ROR1: variants seen among roughly 807,000 people sequenced by gnomAD.
The protein encoded by ROR1 is ROR family WNT receptor 1, also known as inactive tyrosine-protein kinase transmembrane receptor ROR1.
Under a neutral mutation model 78.8 loss-of-function variants are expected in ROR1, and 19 were observed. The observed-to-expected ratio is 0.24, with a 90% confidence interval of 0.17 to 0.35. ROR1 has a LOEUF of 0.35. ROR1 is among the 10% of genes least tolerant of loss of function. The probability of loss-of-function intolerance (pLI) is 1.00; values close to 1 mark genes in which losing one functional copy is unlikely to be tolerated. For synonymous variants in ROR1, 386 were observed against 433.6 expected, an observed-to-expected ratio of 0.89 and a Z score of 1.36; for missense variants, 917 against 1,177.8, an observed-to-expected ratio of 0.78 and a Z score of 3.24.
intron 1 of ROR1, among the ~76,000 whole-genome samples, chr1:63,958,301 T>C (rs552488245): frequency 6.6e-6 from 1 of 152,198 alleles, no homozygotes; most frequent in African/African-American, 2.4e-5. Context: ...AACTTATTCT[T>C]TTTTGTGAGT....
intron 1 of ROR1, among the ~76,000 whole-genome samples, chr1:63,923,932 A>G (rs1283391405): frequency 6.6e-6 from 1 of 151,794 alleles, no homozygotes; most frequent in East Asian, 1.9e-4. Flanking sequence ...GGACCTTTGC[A>G]TGTGCTGTTT....
chr1:63,888,026 A>C (rs931300070), intron 1 of ROR1, among the ~76,000 whole-genome samples: 15 of 152,150 alleles, frequency 9.9e-5, no homozygotes, highest in Admixed American at 9.8e-4. Flanking sequence ...GTCATAATTC[A>C]AATCAGGAGC....
chr1:63,865,646 G>A (rs145432924), intron 1 of ROR1, among the ~76,000 whole-genome samples: 2 of 152,228 alleles, frequency 1.3e-5, no homozygotes, highest in African/African-American at 2.4e-5. Flanking sequence ...TCACTCTGGC[G>A]TTTTGCAGAG....
chr1:64,011,399 C>T, intron 2 of ROR1, among the ~76,000 whole-genome samples: 1 of 152,210 alleles, frequency 6.6e-6, no homozygotes, highest in Non-Finnish European at 1.5e-5. Context: ...TGAACTTATT[C>T]TGCAAGTTCC....
intron 8 of ROR1, among the ~76,000 whole-genome samples, chr1:64,174,068 G>A (rs1442265102): frequency 2.0e-5 from 3 of 152,062 alleles, no homozygotes; most frequent in Non-Finnish European, 4.4e-5. Flanking sequence ...AGGCTTAAAT[G>A]GATCTAAATC....
At chr1:63,918,642 A>C (rs978572144) in intron 1 of ROR1, among the ~76,000 whole-genome samples, 6 of 152,274 alleles carry the variant, frequency 3.9e-5, no homozygotes, top group Admixed American at 3.9e-4. Context: ...GCTTTTCTTT[A>C]ATTCCTTTTG....
chr1:63,844,015 C>G (rs1645065036), intron 1 of ROR1, among the ~76,000 whole-genome samples: 1 of 152,176 alleles, frequency 6.6e-6, no homozygotes, highest in South Asian at 2.1e-4. Context: ...TCAGACCAGC[C>G]CTTGCTAATC....
intron 2 of ROR1, among the ~76,000 whole-genome samples, chr1:64,035,194 G>T (rs1180488320): frequency 6.6e-6 from 1 of 152,194 alleles, no homozygotes; most frequent in Admixed American, 6.5e-5. Context: ...TCCTAAAGGT[G>T]CTAGAAAATA....
At chr1:63,954,289 C>A (rs1645964198) in intron 1 of ROR1, among the ~76,000 whole-genome samples, 1 of 152,152 alleles carries the variant, frequency 6.6e-6, no homozygotes, top group South Asian at 2.1e-4. Flanking sequence ...GAGGGCACAC[C>A]CAGCTCATTT....
At chr1:64,069,677 T>C (rs1318192055) in intron 4 of ROR1, among the ~76,000 whole-genome samples, 1 of 152,174 alleles carries the variant, frequency 6.6e-6, no homozygotes, top group East Asian at 1.9e-4. Flanking sequence ...CCCACCACTC[T>C]AGCAGGCAGA....
chr1:64,112,446 T>A (rs1247717328), intron 4 of ROR1, among the ~76,000 whole-genome samples: 1 of 152,132 alleles, frequency 6.6e-6, no homozygotes, highest in Non-Finnish European at 1.5e-5. Context: ...TCTATCATGA[T>A]TACTAGTGGC....
At position 63,844,309 on chromosome 1, in the gene ROR1, C is replaced by A. The variant is rs567593011; in HGVS notation, c.91+69801C>A. On this transcript the variant is annotated intron_variant, in intron 1 of 8. Coordinates refer to ENST00000371079, the MANE Select transcript of ROR1 (RefSeq NM_005012.4). ...ATGGTTAGTGCCTTTATTCCTGCCA[C>A]CCACTCTTCTTGCAATGTCCTCCAA... Among the ~76,000 whole-genome samples the A allele has an allele frequency of 1.1e-3, 173 of 152,286 alleles. 3 individuals carry two copies. The highest frequency in any genetic ancestry group is 3.9e-3 in the African/African-American group (164 of 41,566).
chr1:63,919,220 G>GA (rs1557561333), intron 1 of ROR1, among the ~76,000 whole-genome samples: 2 of 151,972 alleles, frequency 1.3e-5, no homozygotes, highest in East Asian at 1.9e-4. Flanking sequence ...GACACATTGA[G>GA]AAAAAAATTC....
chr1:63,904,772 G>A (rs1246436541), intron 1 of ROR1, among the ~76,000 whole-genome samples: 1 of 152,136 alleles, frequency 6.6e-6, no homozygotes, highest in African/African-American at 2.4e-5. Context: ...TGCGAGGAGA[G>A]GACAGAAGAC....
chr1:63,792,826 G>A (rs941933684), intron 1 of ROR1, among the ~76,000 whole-genome samples: 1 of 152,186 alleles, frequency 6.6e-6, no homozygotes, highest in African/African-American at 2.4e-5. Context: ...TTCTACTAAT[G>A]TCTGTGGGAG....
chr1:64,176,048 C>T (rs145877154), intron 8 of ROR1, among the ~76,000 whole-genome samples: 110 of 152,272 alleles, frequency 7.2e-4, no homozygotes, highest in Non-Finnish European at 1.5e-3. Context: ...TTAAATGAAA[C>T]ATCAGACTAA....
intron 1 of ROR1, among the ~76,000 whole-genome samples, chr1:63,874,745 T>G (rs1292351665): frequency 1.3e-5 from 2 of 152,168 alleles, no homozygotes; most frequent in Non-Finnish European, 1.5e-5. Context: ...TTTTGGAGGA[T>G]GATAAATGTG....
chr1:64,033,761 A>G (rs1429211945), intron 2 of ROR1, among the ~76,000 whole-genome samples: 2 of 152,250 alleles, frequency 1.3e-5, no homozygotes, highest in African/African-American at 4.8e-5. Context: ...TTTAAAATGT[A>G]TAATGAAATT....
rs372301188 is a variant in ROR1 at position 64,142,380 on chromosome 1, G to A, written c.929-25G>A. ...GCATCTCCTATGTTTCTTTCTAATT[G>A]TTTGGGTTTTTGTGTGTTTTTCAGA... On this transcript the variant is annotated intron_variant, in intron 6 of 8. Transcript: ENST00000371079. 5 of 1,612,080 alleles carry A rather than the reference G, an allele frequency of 3.1e-6. No homozygotes were observed. The African/African-American group carries it at 4.0e-5, about 13-fold the overall frequency.
Sources: allele counts gnomAD v4.1 joint callset (sites outside exome capture counted in the v4.1 genomes callset), GRCh38; gene constraint gnomAD v4.1.1; transcripts MANE v1.5; gene names NCBI Gene and HGNC (gene_info 2026-07-23, HGNC 2026-07-21).